The following RBFOX1 variants were observed in gnomAD, a reference collection of about 807,000 sequenced individuals.
RBFOX1 encodes RNA binding protein fox-1 homolog 1.
Under a neutral mutation model 57.7 loss-of-function variants are expected in RBFOX1, and 8 were observed. That is an observed-to-expected ratio of 0.14 (90% confidence interval 0.08 to 0.25). The LOEUF is 0.25. Among genes scored for constraint, RBFOX1 ranks in the 10% least tolerant of loss-of-function variants. The probability of loss-of-function intolerance (pLI) is 1.00; values close to 1 mark genes in which losing one functional copy is unlikely to be tolerated. For synonymous variants in RBFOX1, 326 were observed against 222.4 expected (o/e 1.47, Z -4.15); for missense variants, 611 against 548.5 (o/e 1.11, Z -1.14).
chr16:6,656,599 GAC>G (rs60723864), intron 3 of RBFOX1, among the ~76,000 whole-genome samples: 8,992 of 146,274 alleles, frequency 0.061, 394 homozygotes, highest in African/African-American at 0.13. Flanking sequence ...GGGGAAAATA[GAC>G]ACACACACAC....
intron 2 of RBFOX1, among the ~76,000 whole-genome samples, chr16:5,514,705 A>G (rs1019658972): frequency 1.3e-5 from 2 of 152,076 alleles, no homozygotes; most frequent in Admixed American, 6.6e-5. Flanking sequence ...ACAGCAAAAG[A>G]TGAAGAAAGA....
At chr16:6,965,092 A>G (rs556355658) in intron 3 of RBFOX1, among the ~76,000 whole-genome samples, 34 of 151,628 alleles carry the variant, frequency 2.2e-4, no homozygotes, top group Non-Finnish European at 8.8e-5. Flanking sequence ...GCTTCTTCCT[A>G]GGTCATGAGG....
rs78432912 is a variant in RBFOX1, at chr16:6,963,487, A to G, written c.-15-88570A>G. Among the ~76,000 whole-genome samples, 72 of 152,256 alleles carry G rather than the reference A, an allele frequency of 4.7e-4. No individual in the cohort carries two copies. The East Asian group carries it at 9.7e-3, about 20-fold the overall frequency. On this transcript the variant is annotated intron_variant, in intron 3 of 15. Transcript: ENST00000550418. ...GTCTGAACCACTGGTCAGTAATGAGATACATGTTAGAGGATCTGATTTGTT... is the reference window on the plus strand; with the variant it reads ...GTCTGAACCACTGGTCAGTAATGAGGTACATGTTAGAGGATCTGATTTGTT...
intron 3 of RBFOX1, among the ~76,000 whole-genome samples, chr16:7,049,565 T>C (rs1466630453): frequency 6.6e-6 from 1 of 152,200 alleles, no homozygotes; most frequent in East Asian, 1.9e-4. Context: ...CCTGAGTCTT[T>C]ATATGGCTGG....
intron 4 of RBFOX1, among the ~76,000 whole-genome samples, chr16:7,233,278 C>G (rs776785464): frequency 1.3e-5 from 2 of 151,782 alleles, no homozygotes; most frequent in Non-Finnish European, 2.9e-5. Context: ...TGGCTCTATC[C>G]CAAGTGAAAA....
chr16:5,939,488 A>C (rs1486911499), intron 4 of RBFOX1, among the ~76,000 whole-genome samples: 3 of 152,172 alleles, frequency 2.0e-5, no homozygotes, highest in Non-Finnish European at 4.4e-5. Context: ...CTTGTCATGG[A>C]GGACCTTCCA....
At chr16:6,047,284 T>G (rs985035705) in intron 1 of RBFOX1, among the ~76,000 whole-genome samples, 1 of 152,200 alleles carries the variant, frequency 6.6e-6, no homozygotes, top group African/African-American at 2.4e-5. Flanking sequence ...ATACTCAGAA[T>G]TAGGCTGACC....
At chr16:7,435,575 C>CT (rs1469110753) in intron 4 of RBFOX1, among the ~76,000 whole-genome samples, 1 of 152,172 alleles carries the variant, frequency 6.6e-6, no homozygotes, top group African/African-American at 2.4e-5. Flanking sequence ...ATCCATGAGG[C>CT]TTTTCAGCAG....
chr16:6,639,371 A>G (rs1297192371), intron 2 of RBFOX1, among the ~76,000 whole-genome samples: 1 of 152,192 alleles, frequency 6.6e-6, no homozygotes, highest in Non-Finnish European at 1.5e-5. Context: ...GTGTTGAGAT[A>G]GACTATCTAT....
chr16:5,469,557 C>T (rs992721734), intron 2 of RBFOX1, among the ~76,000 whole-genome samples: 4 of 152,214 alleles, frequency 2.6e-5, no homozygotes, highest in East Asian at 1.9e-4. Flanking sequence ...TGAGCAGCTC[C>T]GTGGGTTTTA....
At chr16:7,551,287 T>G (rs539941853) in intron 5 of RBFOX1, among the ~76,000 whole-genome samples, 99 of 151,930 alleles carry the variant, frequency 6.5e-4, no homozygotes, top group African/African-American at 2.1e-3. Context: ...TAGAAAAAAG[T>G]CACCATACAA....
intron 4 of RBFOX1, among the ~76,000 whole-genome samples, chr16:5,996,111 C>A (rs530884883): frequency 1.3e-5 from 2 of 152,252 alleles, no homozygotes; most frequent in Admixed American, 1.3e-4. Flanking sequence ...AGGATCTCAC[C>A]TCCTAACACC....
chr16:6,165,147 T>C (rs1159437279), intron 1 of RBFOX1, among the ~76,000 whole-genome samples: 2 of 151,932 alleles, frequency 1.3e-5, no homozygotes, highest in Non-Finnish European at 2.9e-5. Context: ...CTTTGGCAGT[T>C]TTTAAGTGGG....
intron 3 of RBFOX1, among the ~76,000 whole-genome samples, chr16:5,647,742 T>C (rs1326856780): frequency 1.3e-5 from 2 of 152,244 alleles, no homozygotes; most frequent in African/African-American, 4.8e-5. Flanking sequence ...ATTCTTCCCC[T>C]AATCAGCTGC....
At chr16:7,476,450 TGTTG>T (rs757173687) in intron 4 of RBFOX1, among the ~76,000 whole-genome samples, 117 of 152,330 alleles carry the variant, frequency 7.7e-4, no homozygotes, top group African/African-American at 2.7e-3. Flanking sequence ...ACTTAATAAA[TGTTG>T]GTTATTCTTA....
In RBFOX1 at chr16:5,779,882, T is replaced by C. The variant is rs541488354; in HGVS notation, c.319-87421T>C. Among the ~76,000 whole-genome samples the C allele has an allele frequency of 5.3e-5, 8 of 152,332 alleles. No homozygotes were observed. In the South Asian group the frequency reaches 1.7e-3, roughly 32 times the overall value. ...TTATAATCTGCCTGATCTTCAGTTT[T>C]CTCACTTGTAAAATAAATGGAGATG... is the stretch of plus-strand genomic sequence containing the variant. On this transcript the variant is annotated intron_variant, in intron 3 of 19. Transcript: ENST00000641259.
intron 4 of RBFOX1, among the ~76,000 whole-genome samples, chr16:7,346,353 G>C (rs1005722379): frequency 1.4e-4 from 21 of 151,800 alleles, no homozygotes; most frequent in Non-Finnish European, 2.9e-4. Context: ...CTACCCAAGA[G>C]GGCAGTGTAT....
intron 4 of RBFOX1, among the ~76,000 whole-genome samples, chr16:7,130,584 A>C (rs1439467919): frequency 6.6e-6 from 1 of 152,146 alleles, no homozygotes; most frequent in African/African-American, 2.4e-5. Context: ...GTGTGCAAAT[A>C]ATGTGTGTTG....
chr16:5,561,466 A>G (rs1477350435), intron 2 of RBFOX1, among the ~76,000 whole-genome samples: 1 of 152,018 alleles, frequency 6.6e-6, no homozygotes, highest in Non-Finnish European at 1.5e-5. Flanking sequence ...CCTGCCTTAT[A>G]GACACTTCTG....
Sources: gnomAD v4.1 joint callset for allele counts (sites outside exome capture counted in the v4.1 genomes callset) on GRCh38, gnomAD v4.1.1 for gene constraint, MANE v1.5 for transcripts, NCBI Gene and HGNC (gene_info 2026-07-23, HGNC 2026-07-21) for gene names.